TPRX1: variants seen among roughly 807,000 people sequenced by gnomAD.
The protein encoded by TPRX1 is tetra-peptide repeat homeobox protein 1.
TPRX1 carries 2 observed loss-of-function variants against 8.1 expected under a neutral mutation model. The ratio of observed to expected loss-of-function variants is 0.25; its 90% CI spans 0.10 to 0.78. The LOEUF (loss-of-function observed/expected upper bound fraction) is 0.78, where lower values mean the gene tolerates loss of function less well. Among genes scored for constraint, TPRX1 ranks in the 30% least tolerant of loss-of-function variants. The probability of loss-of-function intolerance (pLI) is 0.70; values close to 1 mark genes in which losing one functional copy is unlikely to be tolerated. For missense variants in TPRX1, 517 were observed against 586.9 expected, an observed-to-expected ratio of 0.88 and a Z score of 1.23; for synonymous variants, 257 against 254.1, an observed-to-expected ratio of 1.01 and a Z score of -0.11.
rs1037432493 is a variant in TPRX1, at chr19:47,818,619, G to T, written c.81-81C>A. ...TAGGATGAATGTGTTAGGGAGCTAA[G>T]GGGGTGCAGGTATGAGGAGCACCCC... is the stretch of plus-strand genomic sequence containing the variant. On this transcript the variant is annotated intron_variant, in intron 1 of 3. Coordinates refer to ENST00000535759, the Ensembl canonical transcript of TPRX1. 3.1e-5 allele frequency: 14 copies of T among 453,512 alleles called. No homozygotes were observed. In the East Asian group the frequency reaches 9.0e-4, roughly 29 times the overall value. 28.1% of individuals were successfully genotyped at this position (453,512 alleles called of 1,614,324 possible).
At position 47,803,646 on chromosome 19, in the gene TPRX1, CT is replaced by C; in HGVS notation, c.178del (p.Arg60GlyfsTer18). On this transcript the variant is annotated frameshift_variant, in exon 3 of 4. Coordinates refer to ENST00000535759, the Ensembl canonical transcript of TPRX1. LOFTEE classifies it high-confidence loss of function. ...GACCGTGCGCTCCTGCCGCTGTCTC[CT>C]TGGAGGGTCCAGGGCCAGGGGAGGG... 1 of 1,216,550 alleles carries C rather than the reference CT, an allele frequency of 8.2e-7. No homozygotes were observed. The highest frequency in any genetic ancestry group is 1.2e-6 in the Non-Finnish European group (1 of 852,680). The allele number at this position is 1,216,550 out of a possible 1,614,324, so 75.4% of individuals were successfully genotyped here. A position where few individuals can be genotyped will look rare whatever the true frequency, so the allele number is the denominator to read the frequency against.
intron 2 of TPRX1, among the ~76,000 whole-genome samples, chr19:47,805,601 C>T (rs372599579): frequency 4.6e-5 from 7 of 152,120 alleles, no homozygotes; most frequent in African/African-American, 1.7e-4. Flanking sequence ...TTCAATAAAA[C>T]GTAGACATTG....
chr19:47,802,801 G>T, exon 4 of TPRX1: 1 of 1,602,482 alleles, frequency 6.2e-7, no homozygotes, highest in Non-Finnish European at 8.5e-7. Context: ...GGAGGCTGCA[G>T]ATCGTGGGTT....
At chr19:47,804,635 C>T (rs959022029) in intron 2 of TPRX1, among the ~76,000 whole-genome samples, 84 bp from the exon 1 acceptor site, 15 of 151,440 alleles carry the variant, frequency 9.9e-5, no homozygotes, top group African/African-American at 2.7e-4. Flanking sequence ...CCCACCCTGC[C>T]GGGACCCTCC....
intron 2 of TPRX1, among the ~76,000 whole-genome samples, chr19:47,815,135 TATATATATGCAAATATA>T (rs1568617374): frequency 1.8e-4 from 20 of 114,108 alleles, no homozygotes; most frequent in African/African-American, 6.5e-4. Flanking sequence ...TATATATATA[TATATATATGCAAATATA>T]TATATATATA....
chr19:47,802,077 G>A (rs1967670455), exon 4 of TPRX1: 1 of 1,596,902 alleles, frequency 6.3e-7, no homozygotes, highest in Admixed American at 1.7e-5. Flanking sequence ...CCTGAGCCTG[G>A]GCCTGAGCCT....
At chr19:47,802,515 G>T (rs998707960) in exon 4 of TPRX1, 4 of 1,548,462 alleles carry the variant, frequency 2.6e-6, no homozygotes, top group Non-Finnish European at 3.5e-6. Context: ...CCTGAGATTG[G>T]GCCTGGGATC....
Position 47,803,764 on chromosome 19 carries a change from A to G in TPRX1, c.152-91T>C, listed in dbSNP as rs1174831097. The G allele has an allele frequency of 6.1e-6, 4 of 652,784 alleles. No homozygotes were observed. In the East Asian group the frequency reaches 1.7e-4, roughly 28 times the overall value. The allele number at this position is 652,784 out of a possible 1,614,324, so 40.4% of individuals were successfully genotyped here. Reference sequence around the variant, plus strand: ...GTCCCCTGCACCAGGCCAGGAGCCCAGGCAGTGTGGGCTGGGGCGGCACCG... The same window carrying G: ...GTCCCCTGCACCAGGCCAGGAGCCCGGGCAGTGTGGGCTGGGGCGGCACCG... On this transcript the variant is annotated intron_variant, in intron 2 of 3. Transcript: ENST00000535759.
chr19:47,816,379 T>C (rs1053895197), intron 2 of TPRX1, among the ~76,000 whole-genome samples: 11 of 151,610 alleles, frequency 7.3e-5, no homozygotes, highest in African/African-American at 2.4e-4. Flanking sequence ...TCTTTTTAAT[T>C]TTTTAAAATT....
chr19:47,806,850 C>A (rs1330798263), intron 2 of TPRX1, among the ~76,000 whole-genome samples: 1 of 151,922 alleles, frequency 6.6e-6, no homozygotes, highest in Non-Finnish European at 1.5e-5. Flanking sequence ...GAAAAATGTT[C>A]TAAAATTGAC....
chr19:47,807,998 A>G (rs1967749830), intron 2 of TPRX1, among the ~76,000 whole-genome samples: 1 of 151,972 alleles, frequency 6.6e-6, no homozygotes, highest in East Asian at 1.9e-4. Context: ...GAGTCAATCG[A>G]AACTCACTGC....
chr19:47,816,869 A>G (rs1419033018), intron 2 of TPRX1, among the ~76,000 whole-genome samples: 1 of 152,208 alleles, frequency 6.6e-6, no homozygotes, highest in African/African-American at 2.4e-5. Context: ...CTGATGATCA[A>G]TGAATGTGAG....
At chr19:47,806,710 A>G (rs928999186) in intron 2 of TPRX1, among the ~76,000 whole-genome samples, 7 of 152,312 alleles carry the variant, frequency 4.6e-5, no homozygotes, top group Middle Eastern at 3.4e-3. Context: ...ATACGATTCT[A>G]TTTATACAAA....
chr19:47,802,870 G>A, exon 4 of TPRX1: 7 of 1,596,782 alleles, frequency 4.4e-6, no homozygotes, highest in Non-Finnish European at 6.0e-6. Flanking sequence ...AGGCTGCAGG[G>A]ACTAGGGGCG....
At chr19:47,802,553 A>T (rs1967686790) in exon 4 of TPRX1, 1 of 1,540,320 alleles carries the variant, frequency 6.5e-7, no homozygotes, top group African/African-American at 1.5e-5. Context: ...TGGGCCTGGG[A>T]TTGGGCCACG....
At chr19:47,815,114 TTATATATATATATATATATATATA>T (rs548380113) in intron 2 of TPRX1, among the ~76,000 whole-genome samples, 1 of 63,390 alleles carries the variant, frequency 1.6e-5, no homozygotes, top group Non-Finnish European at 2.7e-5. Context: ...AATAGATAAA[TTATATATATATATATATATATATA>T]TATATGCAAA....
chr19:47,803,253 G>C (rs1164975778), intron 3 of TPRX1, among the ~76,000 whole-genome samples: 1 of 151,880 alleles, frequency 6.6e-6, no homozygotes, highest in African/African-American at 2.4e-5. Flanking sequence ...GAGGGACCGC[G>C]GGTTCTCACG....
intron 2 of TPRX1, among the ~76,000 whole-genome samples, chr19:47,808,620 T>TTTTTATTTAATTTTA (rs1967756062): frequency 7.6e-6 from 1 of 132,024 alleles, no homozygotes. Flanking sequence ...TTTTATTTAA[T>TTTTTATTTAATTTTA]TTTTATTTTA....
At position 47,804,264 on chromosome 19, in the gene TPRX1, C is replaced by T. The variant is rs575404069; in HGVS notation, c.152-591G>A. 7.8e-3 allele frequency among the ~76,000 whole-genome samples: 1,187 copies of T among 151,726 alleles called. 10 individuals are homozygous for T. Among genetic ancestry groups the T allele is most frequent in the African/African-American group, 0.028 (1,137 of 41,282 alleles). On this transcript the variant is annotated intron_variant, in intron 2 of 3. Coordinates refer to ENST00000535759, the Ensembl canonical transcript of TPRX1. ...AAGACGGGTCTCCACTATGTTGGCT[C>T]GGCTGGTTTCAGAGTCCCGGGCTCA... is the stretch of plus-strand genomic sequence containing the variant.
Sources: gnomAD v4.1 joint callset for allele counts (sites outside exome capture counted in the v4.1 genomes callset) on GRCh38, gnomAD v4.1.1 for gene constraint, MANE v1.5 for transcripts, NCBI Gene and HGNC (gene_info 2026-07-23, HGNC 2026-07-21) for gene names.